Variants in ASTN1 observed in about 807,000 individuals in gnomAD.
ASTN1 encodes astrotactin-1.
In ASTN1, 41 loss-of-function variants were observed where a neutral mutation model predicts 140.7. The ratio of observed to expected loss-of-function variants is 0.29; its 90% CI spans 0.23 to 0.38. The LOEUF (loss-of-function observed/expected upper bound fraction) is 0.38, where lower values mean the gene tolerates loss of function less well. ASTN1 is among the 10% of genes least tolerant of loss of function. The pLI, the probability that ASTN1 is intolerant of heterozygous loss-of-function variation, is 1.00. For synonymous variants in ASTN1, 640 were observed against 652.2 expected, an observed-to-expected ratio of 0.98 and a Z score of 0.29; for missense variants, 1,479 against 1,678.8, an observed-to-expected ratio of 0.88 and a Z score of 2.08.
intron 1 of ASTN1, among the ~76,000 whole-genome samples, chr1:177,143,026 G>A (rs112047889): frequency 1.3e-5 from 2 of 152,244 alleles, no homozygotes; most frequent in African/African-American, 4.8e-5. Context: ...TCCAGATTAA[G>A]CAGGAGTCCT....
At chr1:176,860,074 A>T (rs946701431), downstream of ASTN1, among the ~76,000 whole-genome samples, 1 of 152,212 alleles carries the variant, frequency 6.6e-6, no homozygotes, top group Non-Finnish European at 1.5e-5. Context: ...GTCTCAGCAC[A>T]GTGGCCTTGA....
In ASTN1 at chr1:177,023,571, C is replaced by G; in HGVS notation, c.1271G>C (p.Gly424Ala). The G allele has an allele frequency of 6.3e-7, 1 of 1,583,078 alleles. No individual in the cohort carries two copies. Among genetic ancestry groups the G allele is most frequent in the Non-Finnish European group, 8.6e-7 (1 of 1,168,454 alleles). Reference protein sequence around the residue: ...LHVPEHLIADGSRFILLEGSQ... With the variant: ...LHVPEHLIADASRFILLEGSQ... ...CCCCTCCAGCAAGATGAAGCGGCTC[C>G]CTGCAGGGTGAGAGAAAGGAAGCAT... is the stretch of plus-strand genomic sequence containing the variant. The change falls in exon 7 of 23, where the codon GGG (glycine) becomes GCG (alanine). Residue 424 changes from glycine (G) to alanine (A), a missense_variant and splice_region_variant. Physicochemically the swap from Gly to Ala is moderately conservative, Grantham distance 60. Coordinates refer to ENST00000361833, the MANE Select transcript of ASTN1 (RefSeq NM_004319.3).
At chr1:177,020,913 C>T (rs1173616718) in intron 7 of ASTN1, among the ~76,000 whole-genome samples, 1 of 152,154 alleles carries the variant, frequency 6.6e-6, no homozygotes, top group Non-Finnish European at 1.5e-5. Context: ...TCCATGCATC[C>T]ATATGGGCAG....
intron 14 of ASTN1, among the ~76,000 whole-genome samples, chr1:176,937,586 C>T (rs1294910214): frequency 6.6e-6 from 1 of 151,894 alleles, no homozygotes; most frequent in African/African-American, 2.4e-5. Context: ...AATAATTAGG[C>T]CATAGGAAAA....
chr1:176,991,436 C>CAAAAAAAAAAA (rs1173420812), intron 8 of ASTN1, among the ~76,000 whole-genome samples: 1 of 13,834 alleles, frequency 7.2e-5, no homozygotes. Flanking sequence ...AAAAAAAAAC[C>CAAAAAAAAAAA]AAAAAAAAAA....
rs559139892 is a variant in ASTN1 at position 176,963,606 on chromosome 1, G to A, written c.1598+1557C>T. Among the ~76,000 whole-genome samples the A allele has an allele frequency of 3.9e-5, 6 of 152,250 alleles. 1 individual carries two copies. In the South Asian group the frequency reaches 1.0e-3, roughly 26 times the overall value. On this transcript the variant is annotated intron_variant, in intron 9 of 22. Coordinates refer to ENST00000361833, the MANE Select transcript of ASTN1 (RefSeq NM_004319.3). ...CAGCAACTTTGAAAAGAACATAAAT[G>A]GTGCTTGTGGGGATAGAAACAGTTT...
chr1:176,908,132 A>AACACACAC (rs10669124), intron 16 of ASTN1, among the ~76,000 whole-genome samples: 6,299 of 149,740 alleles, frequency 0.042, 140 homozygotes, highest in African/African-American at 0.061. Context: ...TCTCTTATGC[A>AACACACAC]ACACACACAC....
At chr1:177,162,164 A>AC (rs1280578985) in intron 1 of ASTN1, among the ~76,000 whole-genome samples, 1 of 152,186 alleles carries the variant, frequency 6.6e-6, no homozygotes, top group African/African-American at 2.4e-5. Context: ...GATCAAGACC[A>AC]CAAAAGTTAA....
At chr1:176,930,200 T>C (rs901138293) in intron 16 of ASTN1, among the ~76,000 whole-genome samples, 2 of 151,970 alleles carry the variant, frequency 1.3e-5, no homozygotes, top group Admixed American at 1.3e-4. Flanking sequence ...ATGTGGAGAG[T>C]AAAGAGGAGG....
At chr1:177,092,790 C>A (rs753983539) in intron 1 of ASTN1, among the ~76,000 whole-genome samples, 10 of 152,138 alleles carry the variant, frequency 6.6e-5, no homozygotes, top group Non-Finnish European at 1.5e-4. Context: ...TGTCTTGGCA[C>A]TCTTGCCAAA....
chr1:177,137,187 T>C (rs1682243599), intron 1 of ASTN1, among the ~76,000 whole-genome samples: 1 of 152,006 alleles, frequency 6.6e-6, no homozygotes, highest in Non-Finnish European at 1.5e-5. Flanking sequence ...AATTATATAA[T>C]GAAATAAACA....
At chr1:176,900,563 G>T (rs555194188) in intron 16 of ASTN1, among the ~76,000 whole-genome samples, 1 of 152,226 alleles carries the variant, frequency 6.6e-6, no homozygotes, top group South Asian at 2.1e-4. Context: ...GGCCACTCAA[G>T]GGCTGTGTAA....
At chr1:177,075,466 T>A (rs1678849015) in intron 1 of ASTN1, among the ~76,000 whole-genome samples, 1 of 151,724 alleles carries the variant, frequency 6.6e-6, no homozygotes, top group Non-Finnish European at 1.5e-5. Flanking sequence ...CTTTCTTTGC[T>A]GGAGGTTTCC....
Position 176,897,111 on chromosome 1 carries a change from C to T in ASTN1, c.2672-2281G>A, listed in dbSNP as rs184682707. Among the ~76,000 whole-genome samples, 472 of 152,046 alleles carry T rather than the reference C, an allele frequency of 3.1e-3. 2 individuals carry two copies. Among genetic ancestry groups the T allele is most frequent in the Non-Finnish European group, 5.1e-3 (349 of 67,970 alleles). On this transcript the variant is annotated intron_variant, in intron 16 of 22. Transcript: ENST00000361833. ...CCAACATGGTGAAACCCCGTCTCTA[C>T]TAAAAGTACAAAAATTAGCTCGGCA...
At chr1:177,024,235 C>G (rs1675981901) in intron 6 of ASTN1, among the ~76,000 whole-genome samples, 1 of 152,230 alleles carries the variant, frequency 6.6e-6, no homozygotes, top group East Asian at 1.9e-4. Flanking sequence ...AACACCTCTA[C>G]TACTCCACTT....
intron 1 of ASTN1, among the ~76,000 whole-genome samples, chr1:177,076,777 C>A (rs1051453587): frequency 6.6e-6 from 1 of 152,120 alleles, no homozygotes; most frequent in Non-Finnish European, 1.5e-5. Context: ...CCTGTCTCGG[C>A]CTCCCAAAGT....
rs1681027905 is a variant in ASTN1, at chr1:177,115,296, A to G, written c.283+49098T>C. On this transcript the variant is annotated intron_variant, in intron 1 of 22. Coordinates refer to ENST00000361833, the MANE Select transcript of ASTN1 (RefSeq NM_004319.3). ...CAAACTCAGACCCTATTCAGAGTGAAAATTAAATGAAAAGATGGATATGAG... is the reference window on the plus strand; with the variant it reads ...CAAACTCAGACCCTATTCAGAGTGAGAATTAAATGAAAAGATGGATATGAG... Among the ~76,000 whole-genome samples the G allele has an allele frequency of 2.0e-5, 3 of 152,318 alleles. No individual in the cohort carries two copies. The South Asian group carries it at 6.2e-4, about 32-fold the overall frequency.
At chr1:176,902,317 C>G (rs887165485) in intron 16 of ASTN1, among the ~76,000 whole-genome samples, 1 of 152,220 alleles carries the variant, frequency 6.6e-6, no homozygotes, top group Non-Finnish European at 1.5e-5. Context: ...AACCTTTCCC[C>G]AGGGAGCCTC....
intron 1 of ASTN1, among the ~76,000 whole-genome samples, chr1:177,061,686 C>G (rs931956565): frequency 2.0e-5 from 3 of 151,838 alleles, no homozygotes; most frequent in African/African-American, 7.3e-5. Flanking sequence ...GTAAATTTAC[C>G]AAGGAGAGAG....
Sources: allele counts gnomAD v4.1 joint callset (sites outside exome capture counted in the v4.1 genomes callset), GRCh38; gene constraint gnomAD v4.1.1; transcripts MANE v1.5; gene names NCBI Gene and HGNC (gene_info 2026-07-23, HGNC 2026-07-21).